The following PCDHA5 variants were observed in gnomAD, a reference collection of about 807,000 sequenced individuals.
PCDHA5 encodes protocadherin alpha-5.
PCDHA5 carries 43 observed loss-of-function variants against 61.6 expected under a neutral mutation model. The observed-to-expected ratio is 0.70, with a 90% confidence interval of 0.55 to 0.90. The LOEUF (loss-of-function observed/expected upper bound fraction) is 0.90. Ranked by LOEUF, PCDHA5 falls within the 40% of genes least tolerant of loss-of-function variation. The pLI, the probability that PCDHA5 is intolerant of heterozygous loss-of-function variation, is 0.00. For missense variants in PCDHA5, 1,298 were observed against 1,222.7 expected, an observed-to-expected ratio of 1.06 and a Z score of -0.92; for synonymous variants, 627 against 543.9, an observed-to-expected ratio of 1.15 and a Z score of -2.13.
intron 1 of PCDHA5, among the ~76,000 whole-genome samples, chr5:140,949,115 T>G (rs2094346093): frequency 6.6e-6 from 1 of 151,756 alleles, no homozygotes; most frequent in African/African-American, 2.4e-5. Context: ...TACAAATATT[T>G]TTGGTTTTCC....
At chr5:140,920,828 G>A (rs1482219421) in intron 1 of PCDHA5, among the ~76,000 whole-genome samples, 4 of 147,976 alleles carry the variant, frequency 2.7e-5, no homozygotes, top group African/African-American at 1.0e-4. Context: ...TGGCGACGGA[G>A]CAAGACCAAA....
Position 140,843,074 on chromosome 5 carries a change from G to T in PCDHA5, c.2352+18947G>T. On this transcript the variant is annotated intron_variant, in intron 1 of 3. Coordinates refer to ENST00000529859, the MANE Select transcript of PCDHA5 (RefSeq NM_018908.3). ...AGCGAGCAAGCTGGTGCCGCGGTCT[G>T]TGGGCGCGGGCCACGTGGTAGCGAA... is the stretch of plus-strand genomic sequence containing the variant. The T allele has an allele frequency of 3.1e-6, 5 of 1,595,392 alleles. 1 individual carries two copies. Among genetic ancestry groups the T allele is most frequent in the Non-Finnish European group, 4.3e-6 (5 of 1,165,320 alleles).
intron 1 of PCDHA5, chr5:140,928,813 C>T: frequency 6.2e-7 from 1 of 1,614,118 alleles, no homozygotes; most frequent in Non-Finnish European, 8.5e-7. Flanking sequence ...GGTTCGGGAC[C>T]ATGGAGACCC....
intron 1 of PCDHA5, chr5:140,869,875 G>C: frequency 1.2e-6 from 2 of 1,610,396 alleles, no homozygotes. Flanking sequence ...TGCTGCTAAA[G>C]AAACTCTTGT....
At chr5:140,827,791 G>T (rs1769410583) in intron 1 of PCDHA5, among the ~76,000 whole-genome samples, 1 of 152,224 alleles carries the variant, frequency 6.6e-6, no homozygotes, top group Non-Finnish European at 1.5e-5. Flanking sequence ...CACTGACCGT[G>T]CAAATTACAA....
chr5:140,849,155 C>G (rs1169680334), intron 1 of PCDHA5: 5 of 1,223,436 alleles, frequency 4.1e-6, no homozygotes, highest in Non-Finnish European at 4.5e-6. Context: ...GAGGCAAACC[C>G]GAGCTGACTG....
rs2150121169 is a variant in PCDHA5 at position 140,823,005 on chromosome 5, C to A, written c.1230C>A (p.Ser410Arg). ...FKNYYSLVLD[S>R]ALDRESVSVY... ...ATTACTACTCGTTGGTGCTGGACAG[C>A]GCCCTGGACCGCGAGAGCGTGTCGG... The change falls in exon 1 of 4, where the codon AGC (serine) becomes AGA (arginine). Residue 410 changes from serine (S) to arginine (R), a missense_variant. By Grantham distance (110) the Ser-to-Arg change is moderately radical. Transcript: ENST00000529859. 1.9e-6 allele frequency: 3 copies of A among 1,614,228 alleles called. No individual in the cohort carries two copies. Among genetic ancestry groups the A allele is most frequent in the South Asian group, 1.1e-5 (1 of 91,088 alleles).
At chr5:140,863,377 G>T (rs782482597) in intron 1 of PCDHA5, 6 of 1,100,624 alleles carry the variant, frequency 5.5e-6, no homozygotes, top group Non-Finnish European at 7.9e-6. Context: ...GCAGCTCACC[G>T]AGAGCTCGTG....
chr5:141,005,819 G>A, intron 3 of PCDHA5, among the ~76,000 whole-genome samples: 1 of 151,636 alleles, frequency 6.6e-6, no homozygotes, highest in South Asian at 2.1e-4. Context: ...CAGGTATGGT[G>A]GCCTGTAGTC....
chr5:140,822,105 C>A lies in PCDHA5; in HGVS notation c.330C>A (p.Asp110Glu), dbSNP rs2150113718. The A allele has an allele frequency of 4.2e-5, 68 of 1,614,128 alleles. No homozygotes were observed. The highest frequency in any genetic ancestry group is 5.6e-5 in the Non-Finnish European group (66 of 1,180,058). The change falls in exon 1 of 4, where the codon GAC (aspartate) becomes GAA (glutamate). Residue 110 changes from aspartate (D) to glutamate (E), a missense_variant. Transcript: ENST00000529859. Reference sequence around the variant, plus strand: ...GCATCCACCTGGAGGTGATCGTGGACAGGCCGCTGCAGGTTTTCCATGTGG... The same window carrying A: ...GCATCCACCTGGAGGTGATCGTGGAAAGGCCGCTGCAGGTTTTCCATGTGG... ...ECSIHLEVIV[D>E]RPLQVFHVEV...
At chr5:140,954,520 A>G (rs1554221455) in intron 1 of PCDHA5, among the ~76,000 whole-genome samples, 1 of 152,192 alleles carries the variant, frequency 6.6e-6, no homozygotes, top group Admixed American at 6.6e-5. Context: ...CCTAATGATC[A>G]GTGATGTTGA....
At chr5:140,967,934 A>G (rs781977227) in intron 1 of PCDHA5, 4 of 1,614,172 alleles carry the variant, frequency 2.5e-6, no homozygotes, top group Non-Finnish European at 2.5e-6. Flanking sequence ...TCTCAGTGTC[A>G]ATGACCAAGA....
In PCDHA5 at chr5:140,822,128, T is replaced by C; in HGVS notation, c.353T>C (p.Val118Ala). 6.2e-7 allele frequency: 1 copy of C among 1,614,264 alleles called. No individual in the cohort carries two copies. Among genetic ancestry groups the C allele is most frequent in the South Asian group, 1.1e-5 (1 of 91,090 alleles). Residue 118 changes from valine (V) to alanine (A), a missense_variant, in exon 1 of 4, where the codon GTG (valine) becomes GCG (alanine). By Grantham distance (64) the Val-to-Ala change is moderately conservative. Coordinates refer to ENST00000529859, the MANE Select transcript of PCDHA5 (RefSeq NM_018908.3). ...GACAGGCCGCTGCAGGTTTTCCATG[T>C]GGAGGTGGCAGTGAAGGACATCAAT... Reference protein sequence around the residue: ...IVDRPLQVFHVEVAVKDINDN... With the variant: ...IVDRPLQVFHAEVAVKDINDN...
chr5:140,907,439 A>T (rs1217956706), intron 1 of PCDHA5, among the ~76,000 whole-genome samples: 1 of 152,250 alleles, frequency 6.6e-6, no homozygotes, highest in Non-Finnish European at 1.5e-5. Flanking sequence ...CTGTGAGTCC[A>T]CAGATGGTAA....
intron 1 of PCDHA5, chr5:140,929,130 A>C (rs1554206719): frequency 1.2e-6 from 2 of 1,614,168 alleles, no homozygotes; most frequent in Non-Finnish European, 1.7e-6. Flanking sequence ...ATGTCACTAC[A>C]GTTGAGAGAC....
At chr5:140,870,333 C>A in intron 1 of PCDHA5, 1 of 1,614,164 alleles carries the variant, frequency 6.2e-7, no homozygotes, top group Non-Finnish European at 8.5e-7. Flanking sequence ...TGCTGGACAG[C>A]GCCCTGGACC....
At chr5:140,967,845 A>T in intron 1 of PCDHA5, 1 of 1,614,160 alleles carries the variant, frequency 6.2e-7, no homozygotes, top group Non-Finnish European at 8.5e-7. Context: ...GACGTGAATG[A>T]CAATGCCCCA....
At chr5:140,865,089 T>C (rs1462427966) in intron 1 of PCDHA5, 2 of 152,250 alleles carry the variant, frequency 1.3e-5, no homozygotes, top group Admixed American at 1.3e-4. Context: ...GGGATATTAA[T>C]AAAGGCACTT....
At chr5:140,955,929 C>T (rs567378851) in intron 1 of PCDHA5, among the ~76,000 whole-genome samples, 1 of 152,252 alleles carries the variant, frequency 6.6e-6, no homozygotes, top group East Asian at 1.9e-4. Flanking sequence ...GGAGTTCATT[C>T]ATAATATGGC....
Sources: gnomAD v4.1 joint callset for allele counts (sites outside exome capture counted in the v4.1 genomes callset) on GRCh38, gnomAD v4.1.1 for gene constraint, MANE v1.5 for transcripts, NCBI Gene and HGNC (gene_info 2026-07-23, HGNC 2026-07-21) for gene names.